The following ZNF516 variants were observed in gnomAD, a reference collection of about 807,000 sequenced individuals.
ZNF516 encodes zinc finger protein 516.
ZNF516 carries 19 observed loss-of-function variants against 79.7 expected under a neutral mutation model. The observed-to-expected ratio is 0.24, with a 90% CI of 0.17 to 0.35. ZNF516 has a LOEUF of 0.35. Among genes scored for constraint, ZNF516 ranks in the 10% least tolerant of loss-of-function variants. The pLI is 1.00. For synonymous variants in ZNF516, 877 were observed against 739.5 expected (o/e 1.19, Z -3.02); for missense variants, 1,678 against 1,679.5 (o/e 1.00, Z 0.02).
At chr18:76,441,106 G>A (rs1046372074) in intron 3 of ZNF516, 139 bp downstream of exon 3, 1 of 1,287,132 alleles carries the variant, frequency 7.8e-7, no homozygotes, top group African/African-American at 1.5e-5. Flanking sequence ...AGGGTTACCT[G>A]AGCATAGGCC....
intron 3 of ZNF516, among the ~76,000 whole-genome samples, chr18:76,433,555 T>A (rs1234307931): frequency 6.6e-6 from 1 of 152,094 alleles, no homozygotes; most frequent in African/African-American, 2.4e-5. Context: ...GCTCAGGCCT[T>A]GTGGAGGAGA....
At chr18:76,461,269 A>G (rs1320571410) in intron 2 of ZNF516, among the ~76,000 whole-genome samples, 1 of 152,226 alleles carries the variant, frequency 6.6e-6, no homozygotes, top group African/African-American at 2.4e-5. Context: ...ACACTCCGTC[A>G]TCACTGCACA....
chr18:76,466,586 A>G (rs1420761721), intron 1 of ZNF516, among the ~76,000 whole-genome samples: 2 of 152,242 alleles, frequency 1.3e-5, no homozygotes. Context: ...GGGGCCGCGC[A>G]TCTCCAGGAG....
chr18:76,406,681 G>A (rs1168590218), intron 3 of ZNF516, among the ~76,000 whole-genome samples: 4 of 152,190 alleles, frequency 2.6e-5, no homozygotes, highest in Non-Finnish European at 4.4e-5. Context: ...CTGTCTGCAC[G>A]TTATCATGGG....
intron 2 of ZNF516, among the ~76,000 whole-genome samples, chr18:76,458,308 T>C (rs1281735692): frequency 1.3e-5 from 2 of 152,232 alleles, no homozygotes. Flanking sequence ...GACAGCACTG[T>C]GGACCCGCAG....
chr18:76,370,105 A>G (rs2074678237), intron 6 of ZNF516, among the ~76,000 whole-genome samples: 1 of 152,258 alleles, frequency 6.6e-6, no homozygotes, highest in Admixed American at 6.5e-5. Context: ...AACAAGGCAC[A>G]AAGCCGCAAG....
intron 1 of ZNF516, chr18:76,488,117 T>C (rs1914938584): frequency 6.1e-6 from 6 of 984,662 alleles, no homozygotes; most frequent in South Asian, 4.7e-5. Flanking sequence ...CGGGGAGATG[T>C]ATTCCAACCA....
chr18:76,490,420 G>A (rs1213753466), intron 1 of ZNF516, among the ~76,000 whole-genome samples: 3 of 152,208 alleles, frequency 2.0e-5, no homozygotes, highest in Non-Finnish European at 4.4e-5. Context: ...AATGAAGCTG[G>A]AACAAATGAT....
At chr18:76,456,575 G>A (rs1912736839) in intron 2 of ZNF516, among the ~76,000 whole-genome samples, 1 of 152,198 alleles carries the variant, frequency 6.6e-6, no homozygotes, top group African/African-American at 2.4e-5. Flanking sequence ...ACTTTAGCCT[G>A]CCATCCACAG....
intron 3 of ZNF516, among the ~76,000 whole-genome samples, chr18:76,428,015 G>T (rs1282951635): frequency 6.6e-6 from 1 of 152,202 alleles, no homozygotes; most frequent in African/African-American, 2.4e-5. Context: ...TGGACATGAG[G>T]ATTATTACAT....
Position 76,370,539 on chromosome 18 carries a change from C to T in ZNF516, c.3421G>A (p.Ala1141Thr), listed in dbSNP as rs375921210. 1.2e-6 allele frequency: 2 copies of T among 1,607,060 alleles called. No homozygotes were observed. Among genetic ancestry groups the T allele is most frequent in the Admixed American group, 1.7e-5 (1 of 59,112 alleles). The change falls in exon 6 of 7, where the codon GCC becomes ACC. Residue 1141 changes from alanine (A) to threonine (T), a missense_variant. Coordinates refer to ENST00000443185, the MANE Select transcript of ZNF516 (RefSeq NM_014643.4). The stretch of plus-strand genomic sequence containing the variant: ...ATCATGAGACCTACTTGTTTGGGGG[C>T]GTCTGCGGAGGTGGTATGAACTTCA... Reference protein sequence around the residue: ...GSEVHTTSADAPKQGRDHSNT... With the variant: ...GSEVHTTSADTPKQGRDHSNT...
chr18:76,371,637 G>T, intron 4 of ZNF516, 66 bp from the exon 5 acceptor site: 1 of 1,324,776 alleles, frequency 7.5e-7, no homozygotes, highest in East Asian at 2.4e-5. Flanking sequence ...GAGGAGGCAG[G>T]AGAGCGAGGG....
intron 3 of ZNF516, among the ~76,000 whole-genome samples, chr18:76,425,434 G>C (rs1415480660): frequency 6.6e-6 from 1 of 152,314 alleles, no homozygotes; most frequent in East Asian, 1.9e-4. Context: ...GTTACAGCCA[G>C]AGGAAATGTG....
At chr18:76,465,202 C>A (rs1913385291) in intron 1 of ZNF516, among the ~76,000 whole-genome samples, 1 of 152,196 alleles carries the variant, frequency 6.6e-6, no homozygotes, top group South Asian at 2.1e-4. Context: ...GGCTTAGTTT[C>A]CCCTCTTCGA....
intron 6 of ZNF516, among the ~76,000 whole-genome samples, chr18:76,369,278 A>G (rs1157426754): frequency 1.3e-5 from 2 of 152,210 alleles, no homozygotes; most frequent in Non-Finnish European, 2.9e-5. Flanking sequence ...AAGTTGTCAT[A>G]GTATTGGGTA....
rs368813175 is a variant in ZNF516 at position 76,380,058 on chromosome 18, C to T, written c.2056G>A (p.Val686Ile). The change falls in exon 4 of 7, where the codon GTC becomes ATC. Residue 686 changes from valine to isoleucine, a missense_variant. This residue lies in a region of ZNF516 where 1,294 missense variants were observed against 1,248.3 expected (regional missense o/e 1.04). Coordinates refer to ENST00000443185, the MANE Select transcript of ZNF516 (RefSeq NM_014643.4). ...GGGAACTCCACACCATCACCAGGGA[C>T]GGGCACCTCCTGCTTGGGGTGAAAT... Reference protein sequence around the residue: ...PAFHPKQEVPVPGDGVEFPSS... With the variant: ...PAFHPKQEVPIPGDGVEFPSS... The T allele has an allele frequency of 4.5e-5, 72 of 1,613,972 alleles. No individual in the cohort carries two copies. In the Admixed American group the frequency reaches 5.7e-4, roughly 13 times the overall value.
chr18:76,495,851 G>T, upstream of ZNF516: 1 of 706,736 alleles, frequency 1.4e-6, no homozygotes. Context: ...AATGCCTCTG[G>T]GGGTGTTCAG....
chr18:76,441,969 G>A lies in ZNF516; in HGVS notation c.1086C>T (p.Ala362=), dbSNP rs1353208933. Residue 362 remains alanine (A), a synonymous_variant, in exon 3 of 7, where the codon GCC becomes GCT. Transcript: ENST00000443185. ...AHNAIHRRVE[A]SRTRAPAEEG... Reference sequence around the variant, plus strand: ...CCTCGGCCGGGGCGCGCGTGCGGCTGGCCTCGACTCTGCGGTGGATGGCAT... The same window carrying A: ...CCTCGGCCGGGGCGCGCGTGCGGCTAGCCTCGACTCTGCGGTGGATGGCAT... The A allele has an allele frequency of 1.2e-6, 2 of 1,612,704 alleles. No homozygotes were observed. Among genetic ancestry groups the A allele is most frequent in the South Asian group, 2.2e-5 (2 of 91,028 alleles).
intron 1 of ZNF516, among the ~76,000 whole-genome samples, chr18:76,477,485 T>A (rs1805363847): frequency 6.6e-6 from 1 of 152,094 alleles, no homozygotes; most frequent in African/African-American, 2.4e-5. Context: ...CAAAACTGAG[T>A]TGGACAGCAG....
Sources: gnomAD v4.1 joint callset for allele counts (sites outside exome capture counted in the v4.1 genomes callset) on GRCh38, gnomAD v4.1.1 for gene constraint, gnomAD v4.1.1 regional missense constraint, MANE v1.5 for transcripts, NCBI Gene and HGNC (gene_info 2026-07-23, HGNC 2026-07-21) for gene names.